PDE3A: variants seen among roughly 807,000 people sequenced by gnomAD.
The protein encoded by PDE3A is phosphodiesterase 3A.
In PDE3A, 43 loss-of-function variants were observed where a neutral mutation model predicts 98.3. The observed-to-expected ratio is 0.44, with a 90% confidence interval of 0.34 to 0.56. PDE3A has a LOEUF of 0.56. Ranked by LOEUF, PDE3A falls within the 20% of genes least tolerant of loss-of-function variation. The pLI is 0.01. For missense variants in PDE3A, 1,427 were observed against 1,440.7 expected, an observed-to-expected ratio of 0.99 and a Z score of 0.15; for synonymous variants, 663 against 567.9, an observed-to-expected ratio of 1.17 and a Z score of -2.38.
intron 15 of PDE3A, among the ~76,000 whole-genome samples, chr12:20,668,504 G>A (rs555812292): frequency 6.6e-6 from 1 of 152,182 alleles, no homozygotes; most frequent in East Asian, 1.9e-4. Flanking sequence ...GGAGATCTGA[G>A]AACAGGCAGA....
chr12:20,370,265 T>C, intron 1 of PDE3A, 21 bp downstream of exon 1: 1 of 1,495,760 alleles, frequency 6.7e-7, no homozygotes, highest in Middle Eastern at 1.8e-4. Context: ...GCAACTCCTC[T>C]CTCGGCTCTT....
At chr12:20,546,375 A>AG (rs111333829) in intron 1 of PDE3A, among the ~76,000 whole-genome samples, 2 of 64,022 alleles carry the variant, frequency 3.1e-5, no homozygotes, top group Non-Finnish European at 4.1e-5. Context: ...AAGGACCACC[A>AG]AAAAAAAAAA....
At chr12:20,370,975 A>G (rs1943463003) in intron 1 of PDE3A, among the ~76,000 whole-genome samples, 1 of 152,194 alleles carries the variant, frequency 6.6e-6, no homozygotes, top group Non-Finnish European at 1.5e-5. Flanking sequence ...AGTGTCAACT[A>G]AAAACAAAAC....
In PDE3A at chr12:20,369,906, C is replaced by T. The variant is rs774840052; in HGVS notation, c.622C>T (p.Leu208=). The change falls in exon 1 of 16, where the codon CTG becomes TTG. Residue 208 remains leucine (L), a synonymous_variant. Transcript: ENST00000359062. ...LAAATWLVLR[L]RLGVLMIALT... The stretch of plus-strand genomic sequence containing the variant: ...CGCCGCGACATGGCTGGTGCTGAGG[C>T]TGAGGCTGGGCGTCCTCATGATCGC... 6 of 1,613,298 alleles carry T rather than the reference C, an allele frequency of 3.7e-6. No individual in the cohort carries two copies. The African/African-American group carries it at 8.0e-5, about 22-fold the overall frequency.
At chr12:20,605,707 G>A (rs751872315) in intron 2 of PDE3A, among the ~76,000 whole-genome samples, 1 of 152,158 alleles carries the variant, frequency 6.6e-6, no homozygotes, top group Admixed American at 6.5e-5. Flanking sequence ...ATATTTTTAA[G>A]TGGCCTAATT....
intron 1 of PDE3A, among the ~76,000 whole-genome samples, chr12:20,525,475 G>C (rs1468547934): frequency 6.8e-6 from 1 of 146,502 alleles, no homozygotes; most frequent in African/African-American, 2.5e-5. Context: ...GTTGGGGGGG[G>C]GGGCTTTTGA....
At chr12:20,517,823 T>C (rs1377612680) in intron 1 of PDE3A, among the ~76,000 whole-genome samples, 2 of 152,148 alleles carry the variant, frequency 1.3e-5, no homozygotes, top group East Asian at 1.9e-4. Context: ...TGCACACCAA[T>C]CTCTCGCTAA....
At chr12:20,559,359 A>G (rs920533004) in intron 2 of PDE3A, among the ~76,000 whole-genome samples, 2 of 151,980 alleles carry the variant, frequency 1.3e-5, no homozygotes, top group Admixed American at 6.6e-5. Flanking sequence ...ATTAAGTGAC[A>G]TATATACAAA....
Position 20,650,432 on chromosome 12 carries a change from A to T in PDE3A, c.2770-13A>T. On this transcript the variant is annotated splice_polypyrimidine_tract_variant and intron_variant, in intron 13 of 15. Coordinates refer to ENST00000359062, the MANE Select transcript of PDE3A (RefSeq NM_000921.5). ...TCAAAGCAAAACATATATTAACTTT[A>T]TCTCTCAAATAGGTAAATGATGATG... The T allele has an allele frequency of 6.4e-7, 1 of 1,571,154 alleles. No homozygotes were observed. The highest frequency in any genetic ancestry group is 8.7e-7 in the Non-Finnish European group (1 of 1,151,760).
chr12:20,481,703 C>T (rs11045275), intron 1 of PDE3A, among the ~76,000 whole-genome samples: 4 of 148,410 alleles, frequency 2.7e-5, no homozygotes, highest in Non-Finnish European at 5.9e-5. Context: ...CCCCCAAACT[C>T]TACAGATTTT....
At chr12:20,423,612 GTGGACTCTCA>G (rs1235574877) in intron 1 of PDE3A, among the ~76,000 whole-genome samples, 1 of 152,150 alleles carries the variant, frequency 6.6e-6, no homozygotes, top group African/African-American at 2.4e-5. Flanking sequence ...TGAAGGTTAA[GTGGACTCTCA>G]TGCGTAAGAT....
chr12:20,400,379 G>T (rs796545243), intron 1 of PDE3A, among the ~76,000 whole-genome samples: 1,268 of 110,278 alleles, frequency 0.011, 26 homozygotes, highest in African/African-American at 0.05. Flanking sequence ...GTTAACATTG[G>T]TTTTTTTTTT....
chr12:20,546,870 A>G (rs1942074603), intron 1 of PDE3A, among the ~76,000 whole-genome samples: 1 of 152,076 alleles, frequency 6.6e-6, no homozygotes, highest in Admixed American at 6.6e-5. Flanking sequence ...TCCCTGGTGT[A>G]TTAGTATTTC....
intron 1 of PDE3A, among the ~76,000 whole-genome samples, chr12:20,526,624 G>A (rs536848281): frequency 5.9e-5 from 9 of 152,092 alleles, no homozygotes; most frequent in African/African-American, 1.9e-4. Flanking sequence ...TGGTATTTGC[G>A]ATAGAAAAGA....
chr12:20,442,699 C>G (rs918052284), intron 1 of PDE3A, among the ~76,000 whole-genome samples: 1 of 152,132 alleles, frequency 6.6e-6, no homozygotes, highest in African/African-American at 2.4e-5. Context: ...GTAATAGTGT[C>G]GAGTCAAATG....
intron 1 of PDE3A, among the ~76,000 whole-genome samples, chr12:20,398,297 C>CTT (rs34700120): frequency 0.56 from 78,376 of 140,764 alleles, 21,994 homozygotes; most frequent in Non-Finnish European, 0.59. Context: ...TCTTAGTTCA[C>CTT]TTTTTTTTTT....
intron 1 of PDE3A, among the ~76,000 whole-genome samples, chr12:20,506,485 TATGAA>T (rs1194086917): frequency 6.6e-6 from 1 of 152,120 alleles, no homozygotes; most frequent in African/African-American, 2.4e-5. Flanking sequence ...TTAATCATCT[TATGAA>T]AGGATTATTT....
intron 4 of PDE3A, among the ~76,000 whole-genome samples, chr12:20,618,414 T>A (rs1944059547): frequency 9.7e-6 from 1 of 102,874 alleles, no homozygotes; most frequent in Admixed American, 9.3e-5. Flanking sequence ...ACTACATTGA[T>A]CAAAAGAAGA....
chr12:20,381,827 A>G (rs1943668822), intron 1 of PDE3A, among the ~76,000 whole-genome samples: 2 of 151,898 alleles, frequency 1.3e-5, no homozygotes, highest in South Asian at 4.1e-4. Flanking sequence ...AATATTTGCT[A>G]CATTGTAAGC....
Sources: allele counts gnomAD v4.1 joint callset (sites outside exome capture counted in the v4.1 genomes callset), GRCh38; gene constraint gnomAD v4.1.1; transcripts MANE v1.5; gene names NCBI Gene and HGNC (gene_info 2026-07-23, HGNC 2026-07-21).